MACROD2: variants seen among roughly 807,000 people sequenced by gnomAD.
MACROD2 encodes the protein ADP-ribose glycohydrolase MACROD2.
MACROD2 carries 36 observed loss-of-function variants against 70.4 expected under a neutral mutation model. The observed-to-expected ratio is 0.51, with a 90% CI of 0.39 to 0.68. The LOEUF is 0.68. MACROD2 is among the 30% of genes least tolerant of loss of function. MACROD2 has a pLI of 0.00. For synonymous variants in MACROD2, 172 were observed against 178.8 expected, an observed-to-expected ratio of 0.96 and a Z score of 0.30; for missense variants, 496 against 538.4, an observed-to-expected ratio of 0.92 and a Z score of 0.78.
chr20:14,823,768 G>A (rs743133), intron 5 of MACROD2, among the ~76,000 whole-genome samples: 19,095 of 152,004 alleles, frequency 0.13, 1,365 homozygotes, highest in Middle Eastern at 0.27. Context: ...AATATATTTG[G>A]TGGCTTTTTT....
rs1256471622 is a variant in MACROD2, at chr20:14,060,563, A to G, written c.164-25058A>G. Among the ~76,000 whole-genome samples the G allele has an allele frequency of 2.6e-5, 4 of 152,202 alleles. No homozygotes were observed. The South Asian group carries it at 8.3e-4, about 31-fold the overall frequency. ...TTTCTGATCTCAGATAAGTAGTTCC[A>G]GAAGGCATGCACAGTGAAATCATTT... On this transcript the variant is annotated intron_variant, in intron 2 of 17. Coordinates refer to ENST00000684519, the MANE Select transcript of MACROD2 (RefSeq NM_001351661.2).
At chr20:14,804,264 A>G (rs542852625) in intron 5 of MACROD2, among the ~76,000 whole-genome samples, 15 of 152,086 alleles carry the variant, frequency 9.9e-5, no homozygotes, top group African/African-American at 3.1e-4. Flanking sequence ...TTTTTAGATA[A>G]TTGTTTCATA....
chr20:15,072,782 TA>T (rs1347840071), intron 5 of MACROD2, among the ~76,000 whole-genome samples: 1 of 152,106 alleles, frequency 6.6e-6, no homozygotes, highest in Non-Finnish European at 1.5e-5. Flanking sequence ...TTTCCACATC[TA>T]AAAAAGAATA....
Position 15,305,677 on chromosome 20 carries a change from G to A in MACROD2, c.540+75616G>A, listed in dbSNP as rs533086734. On this transcript the variant is annotated intron_variant, in intron 6 of 17. Coordinates refer to ENST00000684519, the MANE Select transcript of MACROD2 (RefSeq NM_001351661.2). ...AAATTGTGTGTGTGTGTGTGTGCGCGCACACATGTGTGTATAGAGACTTGA... is the reference window on the plus strand; with the variant it reads ...AAATTGTGTGTGTGTGTGTGTGCGCACACACATGTGTGTATAGAGACTTGA... Among the ~76,000 whole-genome samples, 44 of 152,038 alleles carry A rather than the reference G, an allele frequency of 2.9e-4. No homozygotes were observed. In the East Asian group the frequency reaches 4.8e-3, roughly 17 times the overall value.
chr20:14,606,391 G>A (rs1982801653), intron 4 of MACROD2, among the ~76,000 whole-genome samples: 1 of 152,030 alleles, frequency 6.6e-6, no homozygotes, highest in African/African-American at 2.4e-5. Flanking sequence ...AATATATGCA[G>A]CATGCCTATA....
At chr20:15,022,174 G>C (rs938025721) in intron 5 of MACROD2, among the ~76,000 whole-genome samples, 2 of 151,936 alleles carry the variant, frequency 1.3e-5, no homozygotes, top group Non-Finnish European at 2.9e-5. Context: ...GTGAGTGTTA[G>C]CAATTATGAA....
At position 14,437,953 on chromosome 20, in the gene MACROD2, G is replaced by A. The variant is rs561219930; in HGVS notation, c.272-55526G>A. ...TTACCCATTCCCCCTACAGTGACAAGAACAGCTATATCTACTCATTTAGCA... is the reference window on the plus strand; with the variant it reads ...TTACCCATTCCCCCTACAGTGACAAAAACAGCTATATCTACTCATTTAGCA... On this transcript the variant is annotated intron_variant, in intron 3 of 17. Transcript: ENST00000684519. 8.5e-5 allele frequency among the ~76,000 whole-genome samples: 13 copies of A among 152,110 alleles called. No individual in the cohort carries two copies. In the South Asian group the frequency reaches 2.7e-3, roughly 32 times the overall value.
intron 8 of MACROD2, among the ~76,000 whole-genome samples, chr20:15,849,254 G>A (rs1167773081): frequency 6.6e-6 from 1 of 152,202 alleles, no homozygotes; most frequent in Admixed American, 6.5e-5. Flanking sequence ...GTTCTGTTGA[G>A]GTTTGCCTTT....
intron 3 of MACROD2, among the ~76,000 whole-genome samples, chr20:14,239,634 T>A (rs1370978379): frequency 6.6e-6 from 1 of 152,034 alleles, no homozygotes; most frequent in East Asian, 1.9e-4. Context: ...ATTCAATAAA[T>A]GGTGGATATG....
intron 5 of MACROD2, among the ~76,000 whole-genome samples, chr20:14,716,431 C>A (rs145489605): frequency 6.6e-6 from 1 of 152,254 alleles, no homozygotes; most frequent in Non-Finnish European, 1.5e-5. Context: ...AAGACAATTT[C>A]CATTTCCTTG....
At chr20:14,204,673 G>A (rs984906023) in intron 3 of MACROD2, among the ~76,000 whole-genome samples, 13 of 152,150 alleles carry the variant, frequency 8.5e-5, no homozygotes, top group Non-Finnish European at 1.5e-4. Flanking sequence ...AACTGATCCC[G>A]GCCAGGCCAG....
intron 6 of MACROD2, among the ~76,000 whole-genome samples, chr20:15,336,990 C>T (rs540006249): frequency 6.6e-6 from 1 of 151,676 alleles, no homozygotes; most frequent in Admixed American, 6.6e-5. Context: ...TTTTCTCCAC[C>T]CTTGTCTTTG....
At chr20:16,027,232 G>C (rs903494303) in intron 15 of MACROD2, among the ~76,000 whole-genome samples, 1 of 150,408 alleles carries the variant, frequency 6.6e-6, no homozygotes, top group African/African-American at 2.5e-5. Context: ...TTCCAGTTCA[G>C]AGCCCTCAGA....
At chr20:15,409,816 A>G (rs2046052790) in intron 6 of MACROD2, among the ~76,000 whole-genome samples, 1 of 152,202 alleles carries the variant, frequency 6.6e-6, no homozygotes. Flanking sequence ...AGAGAGTCAC[A>G]GGGGCTTGCA....
At chr20:14,132,366 G>A (rs192201936) in intron 3 of MACROD2, among the ~76,000 whole-genome samples, 1 of 151,822 alleles carries the variant, frequency 6.6e-6, no homozygotes, top group East Asian at 2.0e-4. Flanking sequence ...TTTATTGACA[G>A]CCTTTGAATT....
intron 5 of MACROD2, among the ~76,000 whole-genome samples, chr20:14,748,897 C>G (rs2071833554): frequency 6.6e-6 from 1 of 152,032 alleles, no homozygotes; most frequent in Non-Finnish European, 1.5e-5. Flanking sequence ...AACCAGATGC[C>G]TCCATAGAAC....
chr20:16,021,209 C>G (rs574145189), intron 15 of MACROD2, among the ~76,000 whole-genome samples: 36 of 152,148 alleles, frequency 2.4e-4, no homozygotes, highest in South Asian at 8.3e-4. Context: ...TACCTGTACT[C>G]AGAACGTGAG....
intron 3 of MACROD2, among the ~76,000 whole-genome samples, chr20:14,119,159 A>AT (rs1181793101): frequency 0.4 from 22,854 of 56,896 alleles, 5,728 homozygotes; most frequent in Non-Finnish European, 0.49. Context: ...AATGACTGTG[A>AT]TTTTTTTTTT....
At chr20:14,211,366 A>G (rs552141651) in intron 3 of MACROD2, among the ~76,000 whole-genome samples, 4 of 152,300 alleles carry the variant, frequency 2.6e-5, no homozygotes, top group African/African-American at 4.8e-5. Context: ...ATTTGGCAGC[A>G]AAACTTGATG....
Sources: gnomAD v4.1 joint callset for allele counts (sites outside exome capture counted in the v4.1 genomes callset) on GRCh38, gnomAD v4.1.1 for gene constraint, MANE v1.5 for transcripts, NCBI Gene and HGNC (gene_info 2026-07-23, HGNC 2026-07-21) for gene names.